MARCHF1: variants seen among roughly 807,000 people sequenced by gnomAD.
The protein encoded by MARCHF1 is E3 ubiquitin-protein ligase MARCHF1.
A neutral mutation model predicts 54.2 loss-of-function variants in MARCHF1; 40 were observed. That is an observed-to-expected ratio of 0.74 (90% CI 0.57 to 0.96). The LOEUF is 0.96. Ranked by LOEUF, MARCHF1 falls within the 40% of genes least tolerant of loss-of-function variation. MARCHF1 has a pLI of 0.00. For synonymous variants in MARCHF1, 236 were observed against 236.3 expected (o/e 1.00, Z 0.01); for missense variants, 586 against 656.5 (o/e 0.89, Z 1.17).
At position 163,612,780 on chromosome 4, in the gene MARCHF1, C is replaced by G. The variant is rs1741386720; in HGVS notation, c.501G>C (p.Glu167Asp). The G allele has an allele frequency of 1.3e-6, 2 of 1,535,496 alleles. No homozygotes were observed. Among genetic ancestry groups the G allele is most frequent in the Non-Finnish European group, 8.7e-7 (1 of 1,146,556 alleles). The stretch of plus-strand genomic sequence containing the variant: ...TTCTTTTTGCCTGAATCCAATGACT[C>G]TCATCTGTGGAAGATGAATCTGAAG... The part of the protein sequence containing the change: ...TDSSDSSSTD[E>D]SHWIQAKRRA... Residue 167 changes from glutamate to aspartate, a missense_variant, in exon 7 of 10, where the codon GAG (glutamate) becomes GAC (aspartate). Coordinates refer to ENST00000514618, the MANE Select transcript of MARCHF1 (RefSeq NM_001394959.1).
At chr4:163,605,391 A>G (rs2110902886) in intron 7 of MARCHF1, among the ~76,000 whole-genome samples, 1 of 152,304 alleles carries the variant, frequency 6.6e-6, no homozygotes, top group Non-Finnish European at 1.5e-5. Flanking sequence ...GCGATCATTA[A>G]CAATTCAGGA....
At chr4:163,616,760 C>T (rs1482862363) in intron 5 of MARCHF1, among the ~76,000 whole-genome samples, 2 of 151,852 alleles carry the variant, frequency 1.3e-5, no homozygotes, top group African/African-American at 4.8e-5. Context: ...TAAAATTCAC[C>T]AGAATGTGTG....
At chr4:164,362,500 C>A (rs929270862) in intron 1 of MARCHF1, among the ~76,000 whole-genome samples, 1 of 152,016 alleles carries the variant, frequency 6.6e-6, no homozygotes, top group African/African-American at 2.4e-5. Flanking sequence ...GGCCTTGTAC[C>A]CACATTTATT....
At chr4:163,654,896 G>A (rs1023615026) in intron 5 of MARCHF1, among the ~76,000 whole-genome samples, 1 of 151,402 alleles carries the variant, frequency 6.6e-6, no homozygotes, top group Non-Finnish European at 1.5e-5. Flanking sequence ...TAGTCATATA[G>A]ATCTCTATTT....
rs533334823 is a variant in MARCHF1 at position 163,737,088 on chromosome 4, G to A, written c.112-36225C>T. Among the ~76,000 whole-genome samples, 61 of 149,412 alleles carry A rather than the reference G, an allele frequency of 4.1e-4. 1 individual carries two copies. The East Asian group carries it at 0.012, about 29-fold the overall frequency. On this transcript the variant is annotated intron_variant, in intron 4 of 9. Coordinates refer to ENST00000514618, the MANE Select transcript of MARCHF1 (RefSeq NM_001394959.1). ...CAAAGTAGAGACCTGGTGTCTAAGT[G>A]TCTTTTAATTAGGTAACGCCTGTGG...
intron 1 of MARCHF1, among the ~76,000 whole-genome samples, chr4:164,292,565 G>C (rs1734310115): frequency 6.6e-6 from 1 of 152,122 alleles, no homozygotes. Flanking sequence ...CTACCATAGT[G>C]TTGCAGGTTT....
chr4:163,672,866 C>T (rs1331786345), intron 5 of MARCHF1, among the ~76,000 whole-genome samples: 1 of 152,190 alleles, frequency 6.6e-6, no homozygotes, highest in African/African-American at 2.4e-5. Flanking sequence ...CCTCTTCAAA[C>T]TGCATCACTC....
chr4:164,070,405 C>T (rs1754837706), intron 2 of MARCHF1, among the ~76,000 whole-genome samples: 1 of 152,230 alleles, frequency 6.6e-6, no homozygotes, highest in Middle Eastern at 3.4e-3. Flanking sequence ...TAAAAGGATC[C>T]TTACCTAGAA....
chr4:163,675,188 T>G (rs1319404767), intron 5 of MARCHF1, among the ~76,000 whole-genome samples: 1 of 152,192 alleles, frequency 6.6e-6, no homozygotes, highest in Non-Finnish European at 1.5e-5. Context: ...AGAATCAGAT[T>G]GTCAAACATT....
Position 163,911,362 on chromosome 4 carries a change from A to G in MARCHF1, c.-38-57193T>C, listed in dbSNP as rs566117704. 5.3e-5 allele frequency among the ~76,000 whole-genome samples: 8 copies of G among 152,274 alleles called. 1 individual carries two copies. In the East Asian group the frequency reaches 9.7e-4, roughly 18 times the overall value. On this transcript the variant is annotated intron_variant, in intron 3 of 9. Transcript: ENST00000514618. ...ATGTTCTGCTCTCTTCCCTGCAATA[A>G]TAAGCTTAGTAAGACAGGCTTTCCC...
chr4:164,202,143 A>G (rs929150468), intron 1 of MARCHF1, among the ~76,000 whole-genome samples: 3 of 152,234 alleles, frequency 2.0e-5, no homozygotes, highest in East Asian at 1.9e-4. Flanking sequence ...AAGTTTCAGT[A>G]CGGGAGCCAA....
chr4:163,717,387 A>G (rs1208059887), intron 4 of MARCHF1, among the ~76,000 whole-genome samples: 1 of 151,772 alleles, frequency 6.6e-6, no homozygotes, highest in Non-Finnish European at 1.5e-5. Context: ...TTCTTAATCC[A>G]GTCTATCATT....
chr4:164,093,181 G>A (rs1051770511), intron 2 of MARCHF1, among the ~76,000 whole-genome samples: 1 of 152,022 alleles, frequency 6.6e-6, no homozygotes, highest in African/African-American at 2.4e-5. Context: ...TTTTACAGTA[G>A]AAGTACTGGA....
At chr4:164,147,951 G>A (rs1443512958) in intron 1 of MARCHF1, among the ~76,000 whole-genome samples, 4 of 151,704 alleles carry the variant, frequency 2.6e-5, no homozygotes, top group South Asian at 4.1e-4. Flanking sequence ...ATATAGCAAA[G>A]TATAATCTAT....
chr4:164,268,037 A>G (rs190949217), intron 1 of MARCHF1, among the ~76,000 whole-genome samples: 2 of 152,168 alleles, frequency 1.3e-5, no homozygotes, highest in Admixed American at 6.6e-5. Context: ...AAGCAAGCTC[A>G]TAAGATCAGG....
intron 1 of MARCHF1, among the ~76,000 whole-genome samples, chr4:164,172,968 G>C (rs958135427): frequency 8.1e-6 from 1 of 122,950 alleles, no homozygotes; most frequent in African/African-American, 3.4e-5. Flanking sequence ...GCTACAGAGC[G>C]AGACTCCGTC....
chr4:164,083,258 G>T (rs1755134727), intron 2 of MARCHF1, among the ~76,000 whole-genome samples: 1 of 151,836 alleles, frequency 6.6e-6, no homozygotes, highest in Non-Finnish European at 1.5e-5. Flanking sequence ...GATGAGGGTG[G>T]ATATAGACAA....
chr4:164,274,376 T>G (rs1288755386), intron 1 of MARCHF1, among the ~76,000 whole-genome samples: 1 of 151,588 alleles, frequency 6.6e-6, no homozygotes, highest in African/African-American at 2.4e-5. Context: ...TGCAACATGT[T>G]TCTGAATGAT....
At chr4:163,796,949 A>C (rs1468026943) in intron 4 of MARCHF1, among the ~76,000 whole-genome samples, 1 of 152,126 alleles carries the variant, frequency 6.6e-6, no homozygotes, top group Non-Finnish European at 1.5e-5. Flanking sequence ...ACCCCACAAA[A>C]TAAGTATTGA....
Sources: allele counts gnomAD v4.1 joint callset (sites outside exome capture counted in the v4.1 genomes callset), GRCh38; gene constraint gnomAD v4.1.1; transcripts MANE v1.5; gene names NCBI Gene and HGNC (gene_info 2026-07-23, HGNC 2026-07-21).